Variants in DEPTOR observed in about 807,000 individuals in gnomAD.
DEPTOR encodes DEP domain containing MTOR interacting protein.
A neutral mutation model predicts 41.6 loss-of-function variants in DEPTOR; 41 were observed. That is an observed-to-expected ratio of 0.98 (90% confidence interval 0.77 to 1.28). The LOEUF (loss-of-function observed/expected upper bound fraction) is 1.28, where lower values mean the gene tolerates loss of function less well. DEPTOR is among the 50% of genes most tolerant of loss of function. The probability of loss-of-function intolerance (pLI) is 0.00; values close to 1 mark genes in which losing one functional copy is unlikely to be tolerated. For synonymous variants in DEPTOR, 195 were observed against 192.3 expected (o/e 1.01, Z -0.12); for missense variants, 514 against 527.9 (o/e 0.97, Z 0.26).
chr8:120,030,463 C>G (rs1448321676), intron 8 of DEPTOR, among the ~76,000 whole-genome samples: 1 of 131,744 alleles, frequency 7.6e-6, no homozygotes, highest in African/African-American at 2.8e-5. Flanking sequence ...ACCATAGACT[C>G]TGGGTGATAA....
intron 8 of DEPTOR, among the ~76,000 whole-genome samples, chr8:120,018,017 T>C (rs764741235): frequency 3.9e-5 from 6 of 152,016 alleles, no homozygotes; most frequent in Non-Finnish European, 8.8e-5. Context: ...TGTCCTTTTT[T>C]TCCTCTTTCA....
intron 8 of DEPTOR, among the ~76,000 whole-genome samples, chr8:120,027,271 T>C (rs1812812803): frequency 9.7e-6 from 1 of 103,224 alleles, no homozygotes; most frequent in Non-Finnish European, 2.2e-5. Flanking sequence ...TGCCTTTCTT[T>C]TGTAAAACAT....
At chr8:120,002,597 CAG>C (rs1479914404) in intron 5 of DEPTOR, among the ~76,000 whole-genome samples, 1 of 150,926 alleles carries the variant, frequency 6.6e-6, no homozygotes, top group Non-Finnish European at 1.5e-5. Context: ...TCAGGGGTGA[CAG>C]AGAACAAATC....
At chr8:120,018,145 C>A (rs78016885) in intron 8 of DEPTOR, among the ~76,000 whole-genome samples, 20,083 of 152,122 alleles carry the variant, frequency 0.13, 1,830 homozygotes, top group African/African-American at 0.25. Context: ...CCAAGAGAGG[C>A]CAGGTTCCTA....
chr8:119,933,878 TTTTTTA>T (rs1828076631), intron 3 of DEPTOR, among the ~76,000 whole-genome samples: 2 of 152,172 alleles, frequency 1.3e-5, no homozygotes, highest in African/African-American at 2.4e-5. Flanking sequence ...CCTGGCTTTC[TTTTTTA>T]TTTTTATTTT....
intron 1 of DEPTOR, among the ~76,000 whole-genome samples, chr8:119,913,731 A>T (rs1827775508): frequency 6.6e-6 from 1 of 152,162 alleles, no homozygotes; most frequent in Non-Finnish European, 1.5e-5. Context: ...CTGAGGTCTT[A>T]GTTGGGTGAG....
At chr8:120,024,093 C>T (rs1002036872) in intron 8 of DEPTOR, among the ~76,000 whole-genome samples, 1 of 152,052 alleles carries the variant, frequency 6.6e-6, no homozygotes, top group Non-Finnish European at 1.5e-5. Flanking sequence ...AAAACTTAGC[C>T]GGGCATGGTG....
At chr8:119,917,870 C>T (rs1003396147) in intron 1 of DEPTOR, among the ~76,000 whole-genome samples, 3 of 152,248 alleles carry the variant, frequency 2.0e-5, no homozygotes, top group Non-Finnish European at 4.4e-5. Flanking sequence ...TAGGGGAAAA[C>T]CGCCTTAGGG....
intron 1 of DEPTOR, among the ~76,000 whole-genome samples, chr8:119,875,211 C>T (rs1480495035): frequency 6.6e-6 from 1 of 152,010 alleles, no homozygotes. Flanking sequence ...AAGAGACCAC[C>T]GAACAAGTTT....
intron 4 of DEPTOR, among the ~76,000 whole-genome samples, chr8:119,983,258 ATT>A (rs544419315): frequency 2.1e-5 from 3 of 145,318 alleles, no homozygotes; most frequent in Admixed American, 6.9e-5. Context: ...TTTTCTTTTT[ATT>A]TTTTTTTTGA....
intron 4 of DEPTOR, among the ~76,000 whole-genome samples, chr8:119,983,082 C>G (rs930945207): frequency 3.3e-5 from 5 of 152,164 alleles, no homozygotes; most frequent in African/African-American, 1.2e-4. Flanking sequence ...CTTCCTGTGT[C>G]AACACAAATA....
chr8:119,906,132 A>G (rs1217062226), intron 1 of DEPTOR, among the ~76,000 whole-genome samples: 2 of 151,946 alleles, frequency 1.3e-5, no homozygotes, highest in Admixed American at 1.3e-4. Context: ...ATACTAATGC[A>G]CTCTGTATAT....
intron 8 of DEPTOR, among the ~76,000 whole-genome samples, chr8:120,011,876 T>G (rs564651496): frequency 6.6e-6 from 1 of 152,230 alleles, no homozygotes; most frequent in Non-Finnish European, 1.5e-5. Flanking sequence ...GGTTTTCTTA[T>G]GTTATAGAGC....
At chr8:119,958,640 G>T (rs1430693639) in intron 3 of DEPTOR, among the ~76,000 whole-genome samples, 1 of 152,056 alleles carries the variant, frequency 6.6e-6, no homozygotes, top group Non-Finnish European at 1.5e-5. Flanking sequence ...AAATTAGCCA[G>T]GTGTGGTGGC....
rs185627333 is a variant in DEPTOR, at chr8:119,962,783, A to G, written c.426-2449A>G. Among the ~76,000 whole-genome samples, 305 of 152,282 alleles carry G rather than the reference A, an allele frequency of 2.0e-3. 2 individuals carry two copies. Among genetic ancestry groups the G allele is most frequent in the African/African-American group, 6.7e-3 (279 of 41,582 alleles). On this transcript the variant is annotated intron_variant, in intron 3 of 8. Coordinates refer to ENST00000286234, the MANE Select transcript of DEPTOR (RefSeq NM_022783.4). The stretch of plus-strand genomic sequence containing the variant: ...ACACTGTAGTTGTCTAGGTTAAAGT[A>G]TTGGTGTTTTAGACTAAGGTAGTGG...
chr8:119,895,421 C>T (rs905791095), intron 1 of DEPTOR, among the ~76,000 whole-genome samples: 1 of 152,198 alleles, frequency 6.6e-6, no homozygotes, highest in Admixed American at 6.5e-5. Context: ...CAAGAAGGGA[C>T]GTGCAGTCCT....
chr8:119,876,923 T>C (rs938003784), intron 1 of DEPTOR, among the ~76,000 whole-genome samples: 1 of 152,230 alleles, frequency 6.6e-6, no homozygotes, highest in Non-Finnish European at 1.5e-5. Flanking sequence ...AAATAGTTCC[T>C]GGAATTAATT....
At chr8:119,930,347 G>A (rs561064281) in intron 3 of DEPTOR, among the ~76,000 whole-genome samples, 5 of 151,926 alleles carry the variant, frequency 3.3e-5, no homozygotes, top group South Asian at 4.2e-4. Context: ...AGTGATTCTC[G>A]TGCCTCAGCC....
intron 1 of DEPTOR, among the ~76,000 whole-genome samples, chr8:119,891,951 TC>T (rs1331401506): frequency 6.6e-6 from 1 of 152,184 alleles, no homozygotes; most frequent in Non-Finnish European, 1.5e-5. Flanking sequence ...ATATTTGTCA[TC>T]CCCTCAGCCT....
Sources: allele counts gnomAD v4.1 joint callset (sites outside exome capture counted in the v4.1 genomes callset), GRCh38; gene constraint gnomAD v4.1.1; transcripts MANE v1.5; gene names NCBI Gene and HGNC (gene_info 2026-07-23, HGNC 2026-07-21).